Variants in MYRIP observed in about 807,000 individuals in gnomAD.
MYRIP encodes rab effector MyRIP.
MYRIP carries 49 observed loss-of-function variants against 98.0 expected under a neutral mutation model. The ratio of observed to expected loss-of-function variants is 0.50; its 90% CI spans 0.40 to 0.63. The LOEUF (loss-of-function observed/expected upper bound fraction) is 0.63. Among genes scored for constraint, MYRIP ranks in the 30% least tolerant of loss-of-function variants. MYRIP has a pLI of 0.00. For synonymous variants in MYRIP, 404 were observed against 409.5 expected (o/e 0.99, Z 0.16); for missense variants, 1,004 against 1,058.2 (o/e 0.95, Z 0.71).
At chr3:40,096,015 C>T (rs981351124) in intron 3 of MYRIP, among the ~76,000 whole-genome samples, 10 of 151,902 alleles carry the variant, frequency 6.6e-5, no homozygotes, top group African/African-American at 2.4e-4. Flanking sequence ...CCCTCACACT[C>T]CATACCATAA....
chr3:40,041,148 A>G (rs939643209), intron 2 of MYRIP, among the ~76,000 whole-genome samples: 1 of 144,872 alleles, frequency 6.9e-6, no homozygotes, highest in Non-Finnish European at 1.5e-5. Flanking sequence ...CTTTGTATGT[A>G]GAATGTCAAC....
chr3:40,207,598 T>A (rs555622413), intron 10 of MYRIP, among the ~76,000 whole-genome samples: 1 of 152,324 alleles, frequency 6.6e-6, no homozygotes, highest in Non-Finnish European at 1.5e-5. Context: ...CTGTCTCAAG[T>A]AAAATTGATA....
chr3:39,969,721 T>C (rs1945531057), intron 2 of MYRIP, among the ~76,000 whole-genome samples: 1 of 152,208 alleles, frequency 6.6e-6, no homozygotes, highest in Non-Finnish European at 1.5e-5. Context: ...GGATTCTGTT[T>C]GCAGGTATTT....
intron 3 of MYRIP, among the ~76,000 whole-genome samples, chr3:40,101,809 T>C (rs1193343628): frequency 1.3e-5 from 2 of 152,200 alleles, no homozygotes; most frequent in African/African-American, 4.8e-5. Context: ...TTGTGTTTGT[T>C]TTGGTATTTA....
chr3:40,023,049 C>G, intron 2 of MYRIP, among the ~76,000 whole-genome samples: 1 of 152,108 alleles, frequency 6.6e-6, no homozygotes, highest in East Asian at 1.9e-4. Context: ...ATGGATTACA[C>G]TCCTCGATGG....
intron 2 of MYRIP, among the ~76,000 whole-genome samples, chr3:39,995,734 T>C (rs1007561262): frequency 1.3e-5 from 2 of 152,032 alleles, no homozygotes; most frequent in Non-Finnish European, 2.9e-5. Context: ...CACATAATTG[T>C]CAGATTCACC....
intron 3 of MYRIP, among the ~76,000 whole-genome samples, chr3:40,101,338 T>C (rs967498323): frequency 2.0e-5 from 3 of 152,190 alleles, no homozygotes; most frequent in African/African-American, 7.2e-5. Flanking sequence ...TTTTCCCCTC[T>C]TTGAAAGTTT....
intron 3 of MYRIP, among the ~76,000 whole-genome samples, chr3:40,089,445 C>G (rs142351882): frequency 1.3e-5 from 2 of 152,278 alleles, no homozygotes; most frequent in East Asian, 1.9e-4. Context: ...TCATTTACAA[C>G]CCTTGAAGCC....
At chr3:39,959,408 C>T (rs58906357) in intron 2 of MYRIP, among the ~76,000 whole-genome samples, 8,949 of 152,058 alleles carry the variant, frequency 0.059, 387 homozygotes, top group East Asian at 0.18. Context: ...TCATTCTCAG[C>T]AAACTATCGC....
rs1427648419 is a variant in MYRIP at position 40,212,161 on chromosome 3, T to TATATATAC, written c.1905+2076_1905+2083dup. On this transcript the variant is annotated intron_variant, in intron 11 of 16. Coordinates refer to ENST00000302541, the MANE Select transcript of MYRIP (RefSeq NM_015460.4). ...ATATATACATATATATACGTGTATA[T>TATATATAC]ATATATACATATATATACGTGTATG... 5.7e-4 allele frequency among the ~76,000 whole-genome samples: 7 copies of TATATATAC among 12,296 alleles called. 1 individual carries two copies. Among genetic ancestry groups the TATATATAC allele is most frequent in the African/African-American group, 1.2e-3 (7 of 5,890 alleles). The allele number at this position is 12,296 out of a possible 152,430, so 8.1% of individuals were successfully genotyped here. A position where few individuals can be genotyped will look rare whatever the true frequency, so the allele number is the denominator to read the frequency against.
At chr3:39,857,677 C>T (rs560768358) in intron 1 of MYRIP, among the ~76,000 whole-genome samples, 9 of 152,150 alleles carry the variant, frequency 5.9e-5, no homozygotes, top group Admixed American at 1.3e-4. Context: ...TAAGCATAAC[C>T]ATAATTACAA....
intron 1 of MYRIP, among the ~76,000 whole-genome samples, chr3:39,838,537 C>G (rs1407444556): frequency 1.3e-5 from 2 of 151,630 alleles, no homozygotes; most frequent in African/African-American, 2.4e-5. Context: ...GTTGAACCAG[C>G]CTTGCATCCC....
chr3:40,246,968 A>T (rs1029800750), intron 13 of MYRIP, among the ~76,000 whole-genome samples: 1 of 151,526 alleles, frequency 6.6e-6, no homozygotes. Context: ...CAATTCTCCT[A>T]AAAAAAAATT....
intron 2 of MYRIP, among the ~76,000 whole-genome samples, chr3:39,964,776 C>T (rs918456959): frequency 6.6e-6 from 1 of 152,146 alleles, no homozygotes; most frequent in Non-Finnish European, 1.5e-5. Context: ...AGTAGAATTT[C>T]ATAGTCATTT....
chr3:39,981,927 A>AAC (rs201679846), intron 2 of MYRIP, among the ~76,000 whole-genome samples: 21 of 151,908 alleles, frequency 1.4e-4, no homozygotes, highest in East Asian at 3.9e-4. Flanking sequence ...TGGATTGGAG[A>AAC]ACACACACAC....
chr3:39,834,245 G>A (rs1941554801), intron 1 of MYRIP, among the ~76,000 whole-genome samples: 1 of 152,072 alleles, frequency 6.6e-6, no homozygotes, highest in Non-Finnish European at 1.5e-5. Context: ...TGTAGAATTT[G>A]CTTTTATTTT....
At chr3:40,043,567 T>C (rs937302086) in intron 2 of MYRIP, among the ~76,000 whole-genome samples, 2 of 152,150 alleles carry the variant, frequency 1.3e-5, no homozygotes, top group African/African-American at 4.8e-5. Flanking sequence ...TTAACTCATA[T>C]AGATTTGAAA....
At chr3:40,165,305 A>C (rs1389867951) in intron 5 of MYRIP, among the ~76,000 whole-genome samples, 3 of 152,150 alleles carry the variant, frequency 2.0e-5, no homozygotes, top group Non-Finnish European at 2.9e-5. Context: ...CCTTAAGTGG[A>C]TTGTTTAGAG....
intron 1 of MYRIP, among the ~76,000 whole-genome samples, chr3:39,892,223 G>A (rs1021215415): frequency 4.6e-5 from 7 of 152,082 alleles, no homozygotes; most frequent in Admixed American, 1.3e-4. Flanking sequence ...TTCTTACCTA[G>A]CCCAAGTGAA....
Sources: gnomAD v4.1 joint callset for allele counts (sites outside exome capture counted in the v4.1 genomes callset) on GRCh38, gnomAD v4.1.1 for gene constraint, MANE v1.5 for transcripts, NCBI Gene and HGNC (gene_info 2026-07-23, HGNC 2026-07-21) for gene names.